The following MPPED2 variants were observed in gnomAD, a reference collection of about 807,000 sequenced individuals.
MPPED2 encodes the protein metallophosphoesterase domain containing 2.
In MPPED2, 5 loss-of-function variants were observed where a neutral mutation model predicts 33.0. The ratio of observed to expected loss-of-function variants is 0.15; its 90% CI spans 0.08 to 0.32. The LOEUF (loss-of-function observed/expected upper bound fraction) is 0.32, where lower values mean the gene tolerates loss of function less well. MPPED2 is among the 10% of genes least tolerant of loss of function. The probability of loss-of-function intolerance (pLI) is 1.00; values close to 1 mark genes in which losing one functional copy is unlikely to be tolerated. For synonymous variants in MPPED2, 136 were observed against 141.9 expected, an observed-to-expected ratio of 0.96 and a Z score of 0.29; for missense variants, 275 against 372.1, an observed-to-expected ratio of 0.74 and a Z score of 2.15.
intron 3 of MPPED2, among the ~76,000 whole-genome samples, chr11:30,504,260 C>G (rs1186756994): frequency 6.6e-6 from 1 of 152,072 alleles, no homozygotes. Flanking sequence ...CTCTATTTCA[C>G]TGAGGAATGA....
At chr11:30,432,680 T>C (rs73465857) in intron 4 of MPPED2, among the ~76,000 whole-genome samples, 4,127 of 152,258 alleles carry the variant, frequency 0.027, 175 homozygotes, top group African/African-American at 0.094. Context: ...CCCTATAAAA[T>C]ACACAATTCT....
At chr11:30,524,539 A>C (rs1459990320) in intron 3 of MPPED2, among the ~76,000 whole-genome samples, 1 of 152,230 alleles carries the variant, frequency 6.6e-6, no homozygotes, top group African/African-American at 2.4e-5. Context: ...AACAGCATCA[A>C]CCAGCCTCAG....
At chr11:30,420,723 A>G (rs556027572) in intron 4 of MPPED2, among the ~76,000 whole-genome samples, 178 of 152,212 alleles carry the variant, frequency 1.2e-3, no homozygotes, top group Non-Finnish European at 2.3e-3. Context: ...AGGCCTGGGG[A>G]TAATGCCAGG....
rs1554919022 is a variant in MPPED2 at position 30,583,134 on chromosome 11, C to CTTTTTTTCTTTTTT, written c.-121-2641_-121-2640insAAAAAAGAAAAAAA. Among the ~76,000 whole-genome samples the CTTTTTTTCTTTTTT allele has an allele frequency of 7.2e-3, 692 of 96,518 alleles. 46 individuals are homozygous for CTTTTTTTCTTTTTT. The highest frequency in any genetic ancestry group is 0.018 in the East Asian group (67 of 3,710). 63.3% of individuals were successfully genotyped at this position (96,518 alleles called of 152,430 possible). ...CACAAACACCTGGAAAAGACTTTTT[C>CTTTTTTTCTTTTTT]TTTTTTTTTTTTTTTTTTTTTTTTT... On this transcript the variant is annotated intron_variant, in intron 1 of 6. Transcript: ENST00000358117.
intron 2 of MPPED2, among the ~76,000 whole-genome samples, chr11:30,550,735 A>G (rs960826596): frequency 2.0e-5 from 3 of 152,214 alleles, no homozygotes; most frequent in African/African-American, 7.2e-5. Flanking sequence ...AAAATGCAAT[A>G]AAATCTCCCG....
chr11:30,391,050 G>A (rs1212633261), intron 6 of MPPED2, among the ~76,000 whole-genome samples: 2 of 152,096 alleles, frequency 1.3e-5, no homozygotes, highest in Non-Finnish European at 2.9e-5. Context: ...CCTGGATCCT[G>A]GAATGGAAAA....
intron 6 of MPPED2, among the ~76,000 whole-genome samples, chr11:30,405,090 G>A (rs1947970006): frequency 6.6e-6 from 1 of 152,172 alleles, no homozygotes; most frequent in Non-Finnish European, 1.5e-5. Flanking sequence ...TCCAGAAAAG[G>A]CTTCCAGAAA....
chr11:30,455,512 T>C (rs1472877217), intron 4 of MPPED2, among the ~76,000 whole-genome samples: 4 of 152,240 alleles, frequency 2.6e-5, no homozygotes, highest in African/African-American at 9.6e-5. Flanking sequence ...AAATATACAT[T>C]TGAAGCATAA....
chr11:30,580,162 C>A, intron 2 of MPPED2, 84 bp downstream of exon 2: 1 of 1,380,528 alleles, frequency 7.2e-7, no homozygotes. Flanking sequence ...GTCTCCCTAG[C>A]AGAAGTTAAT....
chr11:30,407,222 G>T (rs1253930480), downstream of MPPED2, among the ~76,000 whole-genome samples: 1 of 152,198 alleles, frequency 6.6e-6, no homozygotes, highest in Admixed American at 6.5e-5. Context: ...AAGACAAAAG[G>T]GGATTGTGTG....
At chr11:30,517,211 C>A (rs551324979) in intron 3 of MPPED2, among the ~76,000 whole-genome samples, 1 of 152,258 alleles carries the variant, frequency 6.6e-6, no homozygotes, top group East Asian at 1.9e-4. Flanking sequence ...ATATATCTCC[C>A]CAGTGGAAAA....
At chr11:30,461,928 A>G (rs912533433) in intron 4 of MPPED2, among the ~76,000 whole-genome samples, 2 of 152,192 alleles carry the variant, frequency 1.3e-5, no homozygotes, top group Non-Finnish European at 1.5e-5. Context: ...TGAGGCAGAG[A>G]TGCTGGGCAC....
At chr11:30,462,718 A>G (rs1465217112) in intron 4 of MPPED2, among the ~76,000 whole-genome samples, 3 of 152,182 alleles carry the variant, frequency 2.0e-5, no homozygotes. Flanking sequence ...TCTAACTTCC[A>G]TATAATCGAT....
intron 2 of MPPED2, among the ~76,000 whole-genome samples, chr11:30,538,036 G>T (rs116528190): frequency 0.013 from 2,040 of 152,110 alleles, 55 homozygotes; most frequent in African/African-American, 0.047. Flanking sequence ...GGCTGACTGT[G>T]TCACTCTCTA....
At chr11:30,406,260 C>G (rs889444216), downstream of MPPED2, among the ~76,000 whole-genome samples, 4 of 152,198 alleles carry the variant, frequency 2.6e-5, no homozygotes, top group Admixed American at 2.6e-4. Context: ...CAAAATCACA[C>G]TATGTCAGGC....
intron 4 of MPPED2, chr11:30,451,681 C>T: frequency 1.1e-6 from 1 of 952,038 alleles, no homozygotes; most frequent in Non-Finnish European, 1.3e-6. Flanking sequence ...TTTACTATTT[C>T]CTTGTGTATT....
At chr11:30,561,953 G>C (rs562927437) in intron 2 of MPPED2, among the ~76,000 whole-genome samples, 87 of 152,238 alleles carry the variant, frequency 5.7e-4, no homozygotes, top group African/African-American at 1.8e-3. Flanking sequence ...TGCCTTTGAA[G>C]TTACCCTTGA....
chr11:30,523,618 C>T (rs901808754), intron 3 of MPPED2, among the ~76,000 whole-genome samples: 2 of 144,374 alleles, frequency 1.4e-5, no homozygotes, highest in Non-Finnish European at 3.0e-5. Context: ...GGAAGCAACA[C>T]ATCTTTTTTT....
chr11:30,545,511 C>T (rs913430393), intron 2 of MPPED2, among the ~76,000 whole-genome samples: 16 of 152,066 alleles, frequency 1.1e-4, no homozygotes, highest in African/African-American at 3.6e-4. Flanking sequence ...GATCAGGACA[C>T]GAACATCATT....
Sources: allele counts gnomAD v4.1 joint callset (sites outside exome capture counted in the v4.1 genomes callset), GRCh38; gene constraint gnomAD v4.1.1; transcripts MANE v1.5; gene names NCBI Gene and HGNC (gene_info 2026-07-23, HGNC 2026-07-21).